Variants in PDSS2 observed in about 807,000 individuals in gnomAD.
The protein encoded by PDSS2 is all trans-polyprenyl-diphosphate synthase PDSS2.
Under a neutral mutation model 44.5 loss-of-function variants are expected in PDSS2, and 31 were observed. That is an observed-to-expected ratio of 0.70 (90% CI 0.52 to 0.94). The LOEUF is 0.94. PDSS2 is among the 40% of genes least tolerant of loss of function. The pLI, the probability that PDSS2 is intolerant of heterozygous loss-of-function variation, is 0.00. For missense variants in PDSS2, 452 were observed against 482.2 expected (o/e 0.94, Z 0.59); for synonymous variants, 157 against 180.3 (o/e 0.87, Z 1.03).
chr6:107,455,751 T>C (rs1176660737), intron 1 of PDSS2, among the ~76,000 whole-genome samples: 1 of 74,984 alleles, frequency 1.3e-5, no homozygotes, highest in Non-Finnish European at 2.2e-5. Context: ...CGAGACTCTG[T>C]CTCAAAAAAA....
intron 2 of PDSS2, among the ~76,000 whole-genome samples, chr6:107,293,137 C>T (rs1776400490): frequency 6.6e-6 from 1 of 152,122 alleles, no homozygotes; most frequent in Non-Finnish European, 1.5e-5. Flanking sequence ...CTGAGCTCTG[C>T]CATTTTTCAC....
chr6:107,392,366 G>C (rs1051429072), intron 1 of PDSS2, among the ~76,000 whole-genome samples: 9 of 152,170 alleles, frequency 5.9e-5, no homozygotes, highest in African/African-American at 2.2e-4. Flanking sequence ...TTGCAGCAGT[G>C]AACGGTAATG....
intron 1 of PDSS2, among the ~76,000 whole-genome samples, chr6:107,379,623 T>C (rs890203744): frequency 6.6e-6 from 1 of 152,220 alleles, no homozygotes; most frequent in Non-Finnish European, 1.5e-5. Context: ...TATCTTTATT[T>C]TGAATTGAAG....
At chr6:107,290,011 A>G (rs1776291582) in intron 2 of PDSS2, among the ~76,000 whole-genome samples, 1 of 152,118 alleles carries the variant, frequency 6.6e-6, no homozygotes, top group Non-Finnish European at 1.5e-5. Context: ...TCCAGGCTCA[A>G]ACTCCTGGCC....
intron 2 of PDSS2, among the ~76,000 whole-genome samples, chr6:107,284,056 T>C (rs1776058717): frequency 6.6e-6 from 1 of 150,482 alleles, no homozygotes; most frequent in Non-Finnish European, 1.5e-5. Flanking sequence ...TAAAAATAAA[T>C]AAATAAATAA....
rs1782162922 is a variant in PDSS2 at position 107,459,195 on chromosome 6, T to C, written c.91A>G (p.Thr31Ala). The change falls in exon 1 of 8, where the codon ACC (threonine) becomes GCC (alanine). Residue 31 changes from threonine (T) to alanine (A), a missense_variant. Coordinates refer to ENST00000369037, the MANE Select transcript of PDSS2 (RefSeq NM_020381.4). This position sits in a 1 kb window ranked among gnomAD's most constrained non-coding sequence, Gnocchi z 4.3. ...CGCCAAGAGCCCACCGAGGAGATGG[T>C]GTCGAGGGACGGGGACCACCACAGG... ...RRLWWSPSLD[T>A]ISSVGSWRGR... The C allele has an allele frequency of 1.2e-6, 2 of 1,613,434 alleles. No homozygotes were observed. The highest frequency in any genetic ancestry group is 1.7e-6 in the Non-Finnish European group (2 of 1,179,790).
At chr6:107,271,316 G>A (rs1332224275) in intron 3 of PDSS2, among the ~76,000 whole-genome samples, 3 of 152,148 alleles carry the variant, frequency 2.0e-5, no homozygotes, top group Non-Finnish European at 1.5e-5. Flanking sequence ...GTTTACTGCT[G>A]CCAAAAGGAT....
chr6:107,371,730 G>A (rs1418461116), intron 1 of PDSS2, among the ~76,000 whole-genome samples: 3 of 152,122 alleles, frequency 2.0e-5, no homozygotes, highest in Non-Finnish European at 4.4e-5. Flanking sequence ...AAGCATTGTC[G>A]AGTCTAGGAC....
At chr6:107,382,113 T>C (rs1360527436) in intron 1 of PDSS2, among the ~76,000 whole-genome samples, 1 of 152,226 alleles carries the variant, frequency 6.6e-6, no homozygotes, top group Non-Finnish European at 1.5e-5. Flanking sequence ...TTAAAACTTA[T>C]TTACTGTGTT....
At chr6:107,415,313 A>C (rs1244627835) in intron 1 of PDSS2, among the ~76,000 whole-genome samples, 1 of 152,130 alleles carries the variant, frequency 6.6e-6, no homozygotes, top group Non-Finnish European at 1.5e-5. Flanking sequence ...TGGAACAAAA[A>C]AAATTTTTTT....
intron 1 of PDSS2, among the ~76,000 whole-genome samples, chr6:107,393,902 C>T (rs1779859467): frequency 6.6e-6 from 1 of 152,128 alleles, no homozygotes; most frequent in Admixed American, 6.5e-5. Flanking sequence ...TTTCAGCTTT[C>T]TTGCTATTTG....
At chr6:107,327,109 T>C (rs1419195209) in intron 2 of PDSS2, among the ~76,000 whole-genome samples, 1 of 152,200 alleles carries the variant, frequency 6.6e-6, no homozygotes, top group East Asian at 1.9e-4. Context: ...TATAAATGAA[T>C]ATGTGTGTCC....
chr6:107,323,408 C>G (rs1186865834), intron 2 of PDSS2, among the ~76,000 whole-genome samples: 1 of 152,090 alleles, frequency 6.6e-6, no homozygotes, highest in Admixed American at 6.5e-5. Flanking sequence ...GATAGTTGAA[C>G]CTATCTAGAT....
At chr6:107,233,499 TAACA>T (rs991276034) in intron 4 of PDSS2, among the ~76,000 whole-genome samples, 3 of 152,288 alleles carry the variant, frequency 2.0e-5, no homozygotes, top group Admixed American at 6.5e-5. Flanking sequence ...GGATTCATGA[TAACA>T]AACAATTTAA....
chr6:107,432,885 T>C (rs911630398), intron 1 of PDSS2, among the ~76,000 whole-genome samples: 3 of 152,148 alleles, frequency 2.0e-5, no homozygotes, highest in Non-Finnish European at 2.9e-5. Context: ...TCCCATCTAG[T>C]TGTAACTTTG....
At chr6:107,225,051 G>A (rs1773739492) in intron 4 of PDSS2, among the ~76,000 whole-genome samples, 1 of 145,948 alleles carries the variant, frequency 6.9e-6, no homozygotes, top group Non-Finnish European at 1.5e-5. Flanking sequence ...CACGTGCCAT[G>A]GCAGCTGGCT....
intron 5 of PDSS2, among the ~76,000 whole-genome samples, chr6:107,211,629 C>A (rs879278077): frequency 1.3e-5 from 2 of 151,202 alleles, no homozygotes; most frequent in African/African-American, 2.4e-5. Context: ...ACTCAGGAGG[C>A]TGAGGCAGGA....
At position 107,225,137 on chromosome 6, in the gene PDSS2, T is replaced by TATATATATATATATATATTTATATATATA. The variant is rs1446558243; in HGVS notation, c.703-12856_703-12855insTATATATATAAATATATATATATATATAT. ...AGGAAGCTTCACTATATATATATTT[T>TATATATATATATATATATTTATATATATA]TATATATATATATATATATATATAT... is the stretch of plus-strand genomic sequence containing the variant. On this transcript the variant is annotated intron_variant, in intron 4 of 7. Coordinates refer to ENST00000369037, the MANE Select transcript of PDSS2 (RefSeq NM_020381.4). 1.6e-4 allele frequency among the ~76,000 whole-genome samples: 10 copies of TATATATATATATATATATTTATATATATA among 62,390 alleles called. 2 individuals carry two copies. Among genetic ancestry groups the TATATATATATATATATATTTATATATATA allele is most frequent in the Admixed American group, 4.9e-4 (2 of 4,100 alleles). 40.9% of individuals were successfully genotyped at this position (62,390 alleles called of 152,430 possible). A position where few individuals can be genotyped will look rare whatever the true frequency, so the allele number is the denominator to read the frequency against.
chr6:107,444,853 A>T lies in PDSS2; in HGVS notation c.296+14137T>A, dbSNP rs1186936317. 2.0e-5 allele frequency among the ~76,000 whole-genome samples: 3 copies of T among 152,358 alleles called. No individual in the cohort carries two copies. The South Asian group carries it at 6.2e-4, about 32-fold the overall frequency. On this transcript the variant is annotated intron_variant, in intron 1 of 7. Transcript: ENST00000369037. Reference sequence around the variant, plus strand: ...ACCCTAAGAGAAGAGACTAAATGTCATAATTCGTCTCCAATAGCTGCATAC... The same window carrying T: ...ACCCTAAGAGAAGAGACTAAATGTCTTAATTCGTCTCCAATAGCTGCATAC...
Sources: allele counts gnomAD v4.1 joint callset (sites outside exome capture counted in the v4.1 genomes callset), GRCh38; gene constraint gnomAD v4.1.1; non-coding constraint Gnocchi (gnomAD v3.1); transcripts MANE v1.5; gene names NCBI Gene and HGNC (gene_info 2026-07-23, HGNC 2026-07-21).